The following BAK1 variants were observed in gnomAD, a reference collection of about 807,000 sequenced individuals.
The protein encoded by BAK1 is BCL2 antagonist/killer 1.
BAK1 carries 19 observed loss-of-function variants against 24.7 expected under a neutral mutation model. That is an observed-to-expected ratio of 0.77 (90% CI 0.54 to 1.13). The LOEUF (loss-of-function observed/expected upper bound fraction) is 1.13, where lower values mean the gene tolerates loss of function less well. BAK1 is among the 50% of genes most tolerant of loss of function. BAK1 has a pLI of 0.00. For missense variants in BAK1, 194 were observed against 279.4 expected (o/e 0.69, Z 2.18); for synonymous variants, 86 against 107.3 (o/e 0.80, Z 1.23).
intron 4 of BAK1, among the ~76,000 whole-genome samples, chr6:33,574,968 A>G (rs937161516): frequency 1.3e-5 from 2 of 152,176 alleles, no homozygotes; most frequent in African/African-American, 2.4e-5. Flanking sequence ...TGTGGTTTCA[A>G]ATTGGAACTA....
chr6:33,576,681 A>G, intron 2 of BAK1, among the ~76,000 whole-genome samples: 2 of 151,990 alleles, frequency 1.3e-5, no homozygotes, highest in South Asian at 4.1e-4. Context: ...ACAAAAAAAA[A>G]AAAAAGAAAA....
In BAK1 at chr6:33,575,993, G is replaced by A; in HGVS notation, c.71-65C>T. ...CCCTGGCAGCCCCATGCCTTATAGG[G>A]GATTCACTCTTCCTAAGGCCATAGC... is the stretch of plus-strand genomic sequence containing the variant. On this transcript the variant is annotated intron_variant, in intron 2 of 5. Coordinates refer to ENST00000374467, the MANE Select transcript of BAK1 (RefSeq NM_001188.4). This position sits in a 1 kb window ranked among gnomAD's most constrained non-coding sequence, Gnocchi z 6.3. 1 of 1,601,902 alleles carries A rather than the reference G, an allele frequency of 6.2e-7. No individual in the cohort carries two copies. The highest frequency in any genetic ancestry group is 8.5e-7 in the Non-Finnish European group (1 of 1,173,152).
In BAK1 at chr6:33,574,032, A is replaced by G; in HGVS notation, c.531+2T>C. On this transcript the variant is annotated splice_donor_variant, in intron 5 of 5. Coordinates refer to ENST00000374467, the MANE Select transcript of BAK1 (RefSeq NM_001188.4). LOFTEE classifies it high-confidence loss of function. Reference sequence around the variant, plus strand: ...AGGACATTGCAGTCCTTGGATACTCACCCAGCCACCCCTCTGTGCAATCCA... The same window carrying G: ...AGGACATTGCAGTCCTTGGATACTCGCCCAGCCACCCCTCTGTGCAATCCA... The G allele has an allele frequency of 6.2e-7, 1 of 1,613,538 alleles. No homozygotes were observed. The highest frequency in any genetic ancestry group is 8.5e-7 in the Non-Finnish European group (1 of 1,179,586).
chr6:33,575,439 G>C lies in BAK1; in HGVS notation c.209C>G (p.Thr70Ser), dbSNP rs747344615. The part of the protein sequence containing the change: ...MVTLPLQPSS[T>S]MGQVGRQLAI... Reference sequence around the variant, plus strand: ...GAGCTGCCGTCCCACCTGCCCCATGGTGCTGTAGGAGCAGGAGGCATGCAG... The same window carrying C: ...GAGCTGCCGTCCCACCTGCCCCATGCTGCTGTAGGAGCAGGAGGCATGCAG... The change falls in exon 4 of 6, where the codon ACC (threonine) becomes AGC (serine). Residue 70 changes from threonine (T) to serine (S), a missense_variant and splice_region_variant. Transcript: ENST00000374467. This position sits in a 1 kb window ranked among gnomAD's most constrained non-coding sequence, Gnocchi z 6.3. 6.2e-7 allele frequency: 1 copy of C among 1,613,508 alleles called. No homozygotes were observed. Among genetic ancestry groups the C allele is most frequent in the East Asian group, 2.2e-5 (1 of 44,882 alleles).
chr6:33,575,847 C>T lies in BAK1; in HGVS notation c.152G>A (p.Gly51Glu), dbSNP rs772953650. ...YRHQQEQEAEGVAAPADPEMV... is the reference protein window; with the variant it reads ...YRHQQEQEAEEVAAPADPEMV... ...CTCTGGGTCGGCAGGGGCAGCCACC[C>T]CTTCAGCCTCCTGTTCCTGCTGATG... The change falls in exon 3 of 6, where the codon GGG becomes GAG. Residue 51 changes from glycine (G) to glutamate (E), a missense_variant. Coordinates refer to ENST00000374467, the MANE Select transcript of BAK1 (RefSeq NM_001188.4). The surrounding 1 kb of genome is among the most constrained non-coding windows in gnomAD (Gnocchi z 6.3). 25 of 1,613,836 alleles carry T rather than the reference C, an allele frequency of 1.5e-5. No homozygotes were observed. Among genetic ancestry groups the T allele is most frequent in the African/African-American group, 1.3e-5 (1 of 74,906 alleles).
In BAK1 at chr6:33,577,096, T is replaced by C. The variant is rs1762860835; in HGVS notation, c.70+439A>G. On this transcript the variant is annotated intron_variant, in intron 2 of 5. Coordinates refer to ENST00000374467, the MANE Select transcript of BAK1 (RefSeq NM_001188.4). This position sits in a 1 kb window ranked among gnomAD's most constrained non-coding sequence, Gnocchi z 4.6. ...AGCTGGGGCTTCCCTGGCTATCCCC[T>C]GGGAAGAGGGAAGGAGGGCAGCCAT... Among the ~76,000 whole-genome samples the C allele has an allele frequency of 6.6e-6, 1 of 152,136 alleles. No homozygotes were observed. Among genetic ancestry groups the C allele is most frequent in the Admixed American group, 6.5e-5 (1 of 15,272 alleles).
chr6:33,575,964 C>A lies in BAK1; in HGVS notation c.71-36G>T. 1 of 1,612,836 alleles carries A rather than the reference C, an allele frequency of 6.2e-7. No individual in the cohort carries two copies. The highest frequency in any genetic ancestry group is 1.1e-5 in the South Asian group (1 of 90,950). The stretch of plus-strand genomic sequence containing the variant: ...AAGCTGGGAGTCAGGGAGAGAGGGC[C>A]GAACCCTGGCAGCCCCATGCCTTAT... On this transcript the variant is annotated intron_variant, in intron 2 of 5. Transcript: ENST00000374467. This position sits in a 1 kb window ranked among gnomAD's most constrained non-coding sequence, Gnocchi z 6.3.
At chr6:33,574,005 G>A (rs1222407137) in intron 5 of BAK1, 29 bp downstream of exon 5, 1 of 1,613,200 alleles carries the variant, frequency 6.2e-7, no homozygotes, top group Non-Finnish European at 8.5e-7. Flanking sequence ...CCAACAGCAG[G>A]GAGGACATTG....
In BAK1 at chr6:33,573,819, C is replaced by G. The variant is rs1169211908; in HGVS notation, c.620G>C (p.Arg207Thr). Residue 207 changes from arginine to threonine, a missense_variant, in exon 6 of 6, where the codon AGA becomes ACA. Transcript: ENST00000374467. Reference sequence around the variant, plus strand: ...CCTTGGGAGTCATGATTTGAAGAATCTTCGTACCACAAACTGGCCCAACAG... The same window carrying G: ...CCTTGGGAGTCATGATTTGAAGAATGTTCGTACCACAAACTGGCCCAACAG... The part of the protein sequence containing the change: ...VVLLGQFVVR[R>T]FFKS 5.0e-6 allele frequency: 8 copies of G among 1,613,964 alleles called. No homozygotes were observed. Among genetic ancestry groups the G allele is most frequent in the African/African-American group, 2.7e-5 (2 of 74,944 alleles).
rs1318876286 is a variant in BAK1 at position 33,575,227 on chromosome 6, C to T, written c.350+71G>A. 3.7e-6 allele frequency: 6 copies of T among 1,604,158 alleles called. No individual in the cohort carries two copies. The highest frequency in any genetic ancestry group is 1.1e-5 in the South Asian group (1 of 90,680). ...CTCCCCATGCCAGGAGAGCATCATG[C>T]AGGCAGGGTATGGTATGGTTGTGAC... On this transcript the variant is annotated intron_variant, in intron 4 of 5. Coordinates refer to ENST00000374467, the MANE Select transcript of BAK1 (RefSeq NM_001188.4). This position sits in a 1 kb window ranked among gnomAD's most constrained non-coding sequence, Gnocchi z 6.3.
chr6:33,575,042 C>A lies in BAK1; in HGVS notation c.350+256G>T, dbSNP rs1314226820. Among the ~76,000 whole-genome samples, 1 of 152,242 alleles carries A rather than the reference C, an allele frequency of 6.6e-6. No individual in the cohort carries two copies. The highest frequency in any genetic ancestry group is 1.5e-5 in the Non-Finnish European group (1 of 68,050). On this transcript the variant is annotated intron_variant, in intron 4 of 5. Coordinates refer to ENST00000374467, the MANE Select transcript of BAK1 (RefSeq NM_001188.4). The surrounding 1 kb of genome is among the most constrained non-coding windows in gnomAD (Gnocchi z 6.3). ...GGGGGACGTCCCCACCTCAGGCCCC[C>A]TCTAGAGTCCTGATCTAACCAGTCA...
At chr6:33,574,347 C>T in intron 4 of BAK1, 133 bp from the exon 5 acceptor site, 1 of 1,433,434 alleles carries the variant, frequency 7.0e-7, no homozygotes, top group Non-Finnish European at 9.5e-7. Flanking sequence ...GAGGCTGCCC[C>T]AACCTGGCCT....
chr6:33,574,238 A>T (rs769923355), intron 4 of BAK1, 24 bp from the exon 5 acceptor site: 1 of 1,603,792 alleles, frequency 6.2e-7, no homozygotes, highest in Non-Finnish European at 8.5e-7. Context: ...ATCCCATAGC[A>T]TTGGTGGAGA....
intron 2 of BAK1, 115 bp from the exon 3 acceptor site, chr6:33,576,043 T>G: frequency 6.8e-7 from 1 of 1,480,700 alleles, no homozygotes; most frequent in Admixed American, 2.1e-5. Context: ...GAAAGAAATA[T>G]CCCAACCAGG....
chr6:33,575,118 A>G lies in BAK1; in HGVS notation c.350+180T>C, dbSNP rs188089916. On this transcript the variant is annotated intron_variant, in intron 4 of 5. Coordinates refer to ENST00000374467, the MANE Select transcript of BAK1 (RefSeq NM_001188.4). The surrounding 1 kb of genome is among the most constrained non-coding windows in gnomAD (Gnocchi z 6.3). ...AGCTGTGAGCTAATGCCCAAAATACAAGTCTGGGACCCCGAAAGAGAAAAA... is the reference window on the plus strand; with the variant it reads ...AGCTGTGAGCTAATGCCCAAAATACGAGTCTGGGACCCCGAAAGAGAAAAA... The G allele has an allele frequency of 2.0e-3, 1,743 of 890,300 alleles. 8 individuals carry two copies. Among genetic ancestry groups the G allele is most frequent in the Non-Finnish European group, 2.0e-3 (1,085 of 552,050 alleles). The allele number at this position is 890,300 out of a possible 1,614,324, so 55.2% of individuals were successfully genotyped here.
chr6:33,574,465 C>T, intron 4 of BAK1: 1 of 1,492,166 alleles, frequency 6.7e-7, no homozygotes, highest in South Asian at 1.2e-5. Context: ...ACAGAGAGGG[C>T]AGAGGGCAGA....
chr6:33,574,091 C>T lies in BAK1; in HGVS notation c.474G>A (p.Val158=), dbSNP rs1228560214. Residue 158 remains valine (V), a synonymous_variant, in exon 5 of 6, where the codon GTG becomes GTA. Transcript: ENST00000374467. ...TGFLGQVTRF[V]VDFMLHHCIA... Reference sequence around the variant, plus strand: ...TGCAGTGATGCAGCATGAAGTCGACCACGAAGCGGGTCACCTGGCCTAGGA... The same window carrying T: ...TGCAGTGATGCAGCATGAAGTCGACTACGAAGCGGGTCACCTGGCCTAGGA... 6.2e-6 allele frequency: 10 copies of T among 1,614,188 alleles called. No homozygotes were observed. Among genetic ancestry groups the T allele is most frequent in the Non-Finnish European group, 8.5e-6 (10 of 1,180,036 alleles).
At chr6:33,574,542 C>G in intron 4 of BAK1, 1 of 1,392,200 alleles carries the variant, frequency 7.2e-7, no homozygotes. Flanking sequence ...GCCCGAGGGA[C>G]AGCAGAGAGA....
chr6:33,573,632 C>T lies in BAK1; in HGVS notation c.*171G>A. On this transcript the variant is annotated 3_prime_UTR_variant, in exon 6 of 6. Transcript: ENST00000374467. ...CTAGCACCATGCAATGTTGAGGTGC[C>T]TCTGCAGCCTGACTGGCCCCCACGC... 3.1e-6 allele frequency: 2 copies of T among 645,300 alleles called. No homozygotes were observed. The highest frequency in any genetic ancestry group is 5.5e-6 in the Non-Finnish European group (2 of 362,882). 40.0% of individuals were successfully genotyped at this position (645,300 alleles called of 1,614,324 possible).
Sources: allele counts gnomAD v4.1 joint callset (sites outside exome capture counted in the v4.1 genomes callset), GRCh38; gene constraint gnomAD v4.1.1; non-coding constraint Gnocchi (gnomAD v3.1); transcripts MANE v1.5; gene names NCBI Gene and HGNC (gene_info 2026-07-23, HGNC 2026-07-21).